Variants in CD99L2 observed in about 807,000 individuals in gnomAD.
The protein encoded by CD99L2 is CD99 molecule like 2.
In CD99L2, 24 loss-of-function variants were observed where a neutral mutation model predicts 27.3. That is an observed-to-expected ratio of 0.88 (90% CI 0.64 to 1.24). The LOEUF is 1.24. Among genes scored for constraint, CD99L2 ranks in the 50% most tolerant of loss-of-function variants. The probability of loss-of-function intolerance (pLI) is 0.00; values close to 1 mark genes in which losing one functional copy is unlikely to be tolerated. For missense variants in CD99L2, 255 were observed against 221.6 expected, an observed-to-expected ratio of 1.15 and a Z score of -0.96; for synonymous variants, 97 against 87.9, an observed-to-expected ratio of 1.10 and a Z score of -0.58.
intron 4 of CD99L2, among the ~76,000 whole-genome samples, chrX:150,799,160 T>C (rs782612107): frequency 1.8e-4 from 20 of 111,278 alleles, no homozygotes; most frequent in Non-Finnish European, 3.8e-4. Flanking sequence ...GGGATTAATA[T>C]CCATACTATA....
In CD99L2 at chrX:150,795,211, C is replaced by A. The variant is rs782321234; in HGVS notation, c.425G>T (p.Gly142Val). 2.5e-6 allele frequency: 3 copies of A among 1,209,913 alleles called. No individual in the cohort carries two copies. Among genetic ancestry groups the A allele is most frequent in the South Asian group, 3.5e-5 (2 of 56,777 alleles). ...DDGRRKPIAG[G>V]GGFSDKDLED... ...CCAGACCAGGTGGGACTCACCTCCTCCTCCAGCAATTGGTTTCCTGCGGCC... is the reference window on the plus strand; with the variant it reads ...CCAGACCAGGTGGGACTCACCTCCTACTCCAGCAATTGGTTTCCTGCGGCC... Residue 142 changes from glycine to valine, a missense_variant, in exon 6 of 11, where the codon GGA becomes GTA. Transcript: ENST00000370377.
chrX:150,769,253 C>T, intron 10 of CD99L2, 152 bp from the exon 11 acceptor site: 1 of 592,012 alleles, frequency 1.7e-6, no homozygotes, highest in South Asian at 3.7e-5. Context: ...AGCCTGGGAG[C>T]AGTTTTGGGC....
At chrX:150,877,547 C>T (rs1183520288) in intron 1 of CD99L2, among the ~76,000 whole-genome samples, 2 of 112,150 alleles carry the variant, frequency 1.8e-5, no homozygotes, top group Non-Finnish European at 3.8e-5. Context: ...AAAGGCCAGG[C>T]ATGGTGGCTC....
intron 8 of CD99L2, 105 bp from the exon 9 acceptor site, chrX:150,776,398 G>A (rs1025173527): frequency 9.5e-6 from 9 of 945,855 alleles, no homozygotes; most frequent in South Asian, 2.6e-5. Flanking sequence ...ACTACTAGAC[G>A]CCCCCAACCC....
Position 150,768,786 on chromosome X carries a change from A to C in CD99L2, c.*248T>G. On this transcript the variant is annotated 3_prime_UTR_variant, in exon 11 of 11. Coordinates refer to ENST00000370377, the MANE Select transcript of CD99L2 (RefSeq NM_031462.4). ...TGGCTTTGGGAGTTGGTGGCTCAGC[A>C]GCTCCCGAGGCTGGTGCTGGCTTTC... 2 of 674,210 alleles carry C rather than the reference A, an allele frequency of 3.0e-6. No homozygotes were observed. The highest frequency in any genetic ancestry group is 3.9e-6 in the Non-Finnish European group (2 of 507,672). The allele number at this position is 674,210 out of a possible 1,213,427, so 55.6% of individuals were successfully genotyped here. A position where few individuals can be genotyped will look rare whatever the true frequency, so the allele number is the denominator to read the frequency against.
At chrX:150,789,523 GTGT>G (rs1313927548) in intron 7 of CD99L2, among the ~76,000 whole-genome samples, 1 of 111,725 alleles carries the variant, frequency 9.0e-6, no homozygotes, top group Non-Finnish European at 1.9e-5. Flanking sequence ...TTTCTTCATA[GTGT>G]TGTTCATAGA....
At chrX:150,828,103 T>C (rs1424890270) in intron 2 of CD99L2, among the ~76,000 whole-genome samples, 1 of 111,723 alleles carries the variant, frequency 9.0e-6, no homozygotes, top group African/African-American at 3.3e-5. Flanking sequence ...CTATTCTGAG[T>C]CCTTTGAATT....
At chrX:150,874,689 T>C (rs918824912) in intron 1 of CD99L2, among the ~76,000 whole-genome samples, 1 of 111,884 alleles carries the variant, frequency 8.9e-6, no homozygotes, top group African/African-American at 3.3e-5. Flanking sequence ...TTGATGTCAC[T>C]GGGCAACCTT....
intron 1 of CD99L2, among the ~76,000 whole-genome samples, chrX:150,870,646 T>C (rs1010192361): frequency 1.0e-4 from 11 of 110,429 alleles, no homozygotes; most frequent in Non-Finnish European, 1.9e-4. Context: ...CATCACATAT[T>C]CCTCCCTCCT....
intron 4 of CD99L2, among the ~76,000 whole-genome samples, chrX:150,801,261 T>C (rs2045901849): frequency 1.8e-5 from 2 of 111,621 alleles, no homozygotes; most frequent in Admixed American, 9.5e-5. Flanking sequence ...CACACTGATA[T>C]AAAGATACTG....
At position 150,769,364 on chromosome X, in the gene CD99L2, G is replaced by A. The variant is rs149311478; in HGVS notation, c.722-263C>T. Among the ~76,000 whole-genome samples the A allele has an allele frequency of 8.4e-3, 940 of 112,441 alleles. 12 individuals are homozygous for A. The highest frequency in any genetic ancestry group is 0.029 in the African/African-American group (893 of 30,944). On this transcript the variant is annotated intron_variant, in intron 10 of 10. Coordinates refer to ENST00000370377, the MANE Select transcript of CD99L2 (RefSeq NM_031462.4). ...GAGCGTGTTCCTGCCAGCGCTGCTG[G>A]AAGGGTTATTTTAAACAAAGGGCTC...
chrX:150,781,228 G>GA lies in CD99L2; in HGVS notation c.497-3747dup, dbSNP rs199735208. Among the ~76,000 whole-genome samples, 5 of 111,826 alleles carry GA rather than the reference G, an allele frequency of 4.5e-5. No individual in the cohort carries two copies. In the East Asian group the frequency reaches 1.1e-3, roughly 25 times the overall value. ...AATGATATTCAGTGTATTATTGAAT[G>GA]AAAAAAATGGTTTCAGGATAGCATG... On this transcript the variant is annotated intron_variant, in intron 7 of 10. Transcript: ENST00000370377.
chrX:150,826,290 G>A (rs982524411), intron 2 of CD99L2, among the ~76,000 whole-genome samples: 2 of 111,611 alleles, frequency 1.8e-5, no homozygotes, highest in African/African-American at 6.5e-5. Context: ...AGCACAAATG[G>A]ACTAATACAG....
chrX:150,779,281 T>C (rs1268101918), intron 7 of CD99L2, among the ~76,000 whole-genome samples: 1 of 112,348 alleles, frequency 8.9e-6, no homozygotes, highest in Non-Finnish European at 1.9e-5. Context: ...AGCTCAATAG[T>C]TCACAGCTCC....
intron 1 of CD99L2, among the ~76,000 whole-genome samples, chrX:150,851,310 C>A (rs782032357): frequency 6.2e-5 from 7 of 112,081 alleles, no homozygotes; most frequent in Admixed American, 9.4e-5. Flanking sequence ...AGGACAACAT[C>A]CACTTATTGA....
chrX:150,863,079 A>G (rs781842769), intron 1 of CD99L2, among the ~76,000 whole-genome samples: 12 of 112,238 alleles, frequency 1.1e-4, no homozygotes, highest in Non-Finnish European at 2.1e-4. Flanking sequence ...GCAATATGAC[A>G]GACAAAGGCC....
At chrX:150,883,587 A>C (rs1223711008) in intron 1 of CD99L2, among the ~76,000 whole-genome samples, 1 of 111,575 alleles carries the variant, frequency 9.0e-6, no homozygotes, top group Non-Finnish European at 1.9e-5. Flanking sequence ...CAGACTAATC[A>C]CACAAGGCAC....
chrX:150,833,993 A>AT lies in CD99L2; in HGVS notation c.68-2701dup, dbSNP rs1557421131. 2.7e-5 allele frequency among the ~76,000 whole-genome samples: 3 copies of AT among 112,148 alleles called. No individual in the cohort carries two copies. The Admixed American group carries it at 2.8e-4, about 11-fold the overall frequency. ...AACAGAGTAAAAAGACAACCCATGGATTAGGAGAAAATATTTGCAAACCAT... is the reference window on the plus strand; with the variant it reads ...AACAGAGTAAAAAGACAACCCATGGATTTAGGAGAAAATATTTGCAAACCAT... On this transcript the variant is annotated intron_variant, in intron 1 of 10. Coordinates refer to ENST00000370377, the MANE Select transcript of CD99L2 (RefSeq NM_031462.4).
chrX:150,868,864 G>A (rs1170264052), intron 1 of CD99L2, among the ~76,000 whole-genome samples: 3 of 111,816 alleles, frequency 2.7e-5, no homozygotes, highest in Non-Finnish European at 5.6e-5. Flanking sequence ...GCATACTTGT[G>A]ATGGCCTCGT....
Sources: allele counts gnomAD v4.1 joint callset (sites outside exome capture counted in the v4.1 genomes callset), GRCh38; gene constraint gnomAD v4.1.1; transcripts MANE v1.5; gene names NCBI Gene and HGNC (gene_info 2026-07-23, HGNC 2026-07-21).